CNTN4: variants seen among roughly 807,000 people sequenced by gnomAD.
CNTN4 encodes the protein contactin-4.
A neutral mutation model predicts 122.5 loss-of-function variants in CNTN4; 77 were observed. The ratio of observed to expected loss-of-function variants is 0.63; its 90% confidence interval spans 0.52 to 0.76. The LOEUF (loss-of-function observed/expected upper bound fraction) is 0.76. Ranked by LOEUF, CNTN4 falls within the 30% of genes least tolerant of loss-of-function variation. The pLI, the probability that CNTN4 is intolerant of heterozygous loss-of-function variation, is 0.00. For missense variants in CNTN4, 1,256 were observed against 1,259.1 expected (o/e 1.00, Z 0.04); for synonymous variants, 512 against 447.0 (o/e 1.15, Z -1.83).
intron 4 of CNTN4, among the ~76,000 whole-genome samples, chr3:2,645,982 A>G (rs149933963): frequency 6.6e-6 from 1 of 152,338 alleles, no homozygotes; most frequent in African/African-American, 2.4e-5. Context: ...GGGAATATAT[A>G]TACTGTAGAC....
intron 2 of CNTN4, among the ~76,000 whole-genome samples, chr3:2,328,420 TA>T (rs924340605): frequency 6.6e-6 from 1 of 152,118 alleles, no homozygotes; most frequent in Non-Finnish European, 1.5e-5. Flanking sequence ...AATAAAAAAA[TA>T]AAAAACACAG....
chr3:2,828,865 G>T lies in CNTN4; in HGVS notation c.454+9284G>T, dbSNP rs2150354546. 3.3e-5 allele frequency among the ~76,000 whole-genome samples: 5 copies of T among 152,228 alleles called. No individual in the cohort carries two copies. In the South Asian group the frequency reaches 1.0e-3, roughly 32 times the overall value. ...CAATCCTCCCACCTCAGCCTCTTGAGTAGCTAGTACTGCAGGCATGAGCCA... is the reference window on the plus strand; with the variant it reads ...CAATCCTCCCACCTCAGCCTCTTGATTAGCTAGTACTGCAGGCATGAGCCA... On this transcript the variant is annotated intron_variant, in intron 7 of 24. Coordinates refer to ENST00000418658, the MANE Select transcript of CNTN4 (RefSeq NM_175607.3).
intron 3 of CNTN4, among the ~76,000 whole-genome samples, chr3:2,493,816 G>T (rs1295289521): frequency 1.3e-5 from 2 of 152,092 alleles, no homozygotes; most frequent in Non-Finnish European, 2.9e-5. Context: ...AAATGATTCG[G>T]CTGGGAATTG....
Position 2,328,176 on chromosome 3 carries a change from C to A in CNTN4, c.-144-11002C>A, listed in dbSNP as rs192198464. On this transcript the variant is annotated intron_variant, in intron 2 of 24. Transcript: ENST00000418658. ...ATCCCAGCACTTTGGGAGGCCGAGG[C>A]GGGCGGATCACGGGGTCAGGAGATC... 4.6e-3 allele frequency among the ~76,000 whole-genome samples: 702 copies of A among 152,216 alleles called. 6 individuals are homozygous for A. The highest frequency in any genetic ancestry group is 5.0e-3 in the Non-Finnish European group (343 of 68,012).
chr3:2,150,214 A>G (rs1292058700), intron 2 of CNTN4, among the ~76,000 whole-genome samples: 5 of 152,058 alleles, frequency 3.3e-5, no homozygotes, highest in Non-Finnish European at 5.9e-5. Flanking sequence ...CTGTTTCATC[A>G]TTTCTAATAT....
intron 13 of CNTN4, among the ~76,000 whole-genome samples, chr3:2,928,818 G>A (rs986665906): frequency 3.9e-5 from 6 of 152,104 alleles, no homozygotes; most frequent in Non-Finnish European, 7.4e-5. Flanking sequence ...TACAGTAGTG[G>A]TATTAGAAGC....
At chr3:2,883,313 C>T in intron 9 of CNTN4, 66 bp downstream of exon 9, 1 of 1,152,378 alleles carries the variant, frequency 8.7e-7, no homozygotes, top group Non-Finnish European at 1.3e-6. Flanking sequence ...GTTTTTCTTG[C>T]ACTGTTCACA....
At chr3:2,883,435 A>G (rs1037160719) in intron 9 of CNTN4, among the ~76,000 whole-genome samples, 188 bp downstream of exon 9, 1 of 152,188 alleles carries the variant, frequency 6.6e-6, no homozygotes, top group Non-Finnish European at 1.5e-5. Context: ...TAATGGTGCA[A>G]GAAGGATTAG....
chr3:2,203,249 T>A (rs1360026593), intron 2 of CNTN4, among the ~76,000 whole-genome samples: 9 of 152,160 alleles, frequency 5.9e-5, no homozygotes, highest in Non-Finnish European at 1.3e-4. Flanking sequence ...TAGGACTAAA[T>A]GATCACATAG....
chr3:2,539,665 T>C (rs1379659291), intron 3 of CNTN4, among the ~76,000 whole-genome samples: 2 of 152,142 alleles, frequency 1.3e-5, no homozygotes, highest in African/African-American at 2.4e-5. Context: ...GTTTATGAAT[T>C]TGATTTCTTT....
intron 3 of CNTN4, among the ~76,000 whole-genome samples, chr3:2,404,398 G>T (rs2046959559): frequency 6.6e-6 from 1 of 152,086 alleles, no homozygotes; most frequent in Admixed American, 6.6e-5. Context: ...ATATTTTGCT[G>T]GTTTTTGGCT....
chr3:2,125,007 A>C (rs2034051415), intron 2 of CNTN4, among the ~76,000 whole-genome samples: 1 of 152,104 alleles, frequency 6.6e-6, no homozygotes, highest in African/African-American at 2.4e-5. Context: ...AAGTGCATAA[A>C]ACAGTGTTGT....
At chr3:2,430,562 A>AT (rs888840394) in intron 3 of CNTN4, among the ~76,000 whole-genome samples, 1 of 134,264 alleles carries the variant, frequency 7.4e-6, no homozygotes. Flanking sequence ...AGAAGGTGCC[A>AT]TTTTTTAATA....
intron 3 of CNTN4, among the ~76,000 whole-genome samples, chr3:2,537,143 A>G (rs536566001): frequency 2.6e-5 from 4 of 152,098 alleles, no homozygotes; most frequent in Non-Finnish European, 5.9e-5. Flanking sequence ...CATGCGTTCT[A>G]TAAGGGAAAT....
At chr3:2,351,688 T>C (rs1037427590) in intron 3 of CNTN4, among the ~76,000 whole-genome samples, 114 of 152,288 alleles carry the variant, frequency 7.5e-4, no homozygotes, top group African/African-American at 2.7e-3. Flanking sequence ...TTAATATTTT[T>C]GGAATGTGGT....
rs750130035 is a variant in CNTN4, at chr3:2,988,418, A to G, written c.1432A>G (p.Ile478Val). 1.4e-5 allele frequency: 23 copies of G among 1,613,686 alleles called. No individual in the cohort carries two copies. Among genetic ancestry groups the G allele is most frequent in the South Asian group, 1.1e-4 (10 of 91,084 alleles). ...TKSDAGSYTC[I>V]ATNHFGTASS... is the part of the protein sequence containing the mutation. ...ATCAGACGCTGGGAGTTATACCTGT[A>G]TAGCCACTAACCATTTTGGAACTGC... is the stretch of plus-strand genomic sequence containing the variant. The change falls in exon 14 of 25, where the codon ATA (isoleucine) becomes GTA (valine). Residue 478 changes from isoleucine to valine, a missense_variant. By Grantham distance (29) the Ile-to-Val change is conservative. Coordinates refer to ENST00000418658, the MANE Select transcript of CNTN4 (RefSeq NM_175607.3).
chr3:2,251,308 A>C (rs2040369662), intron 2 of CNTN4, among the ~76,000 whole-genome samples: 2 of 152,012 alleles, frequency 1.3e-5, no homozygotes, highest in South Asian at 4.1e-4. Flanking sequence ...GGTATTGTTT[A>C]CCAATAACAG....
intron 4 of CNTN4, among the ~76,000 whole-genome samples, chr3:2,675,292 C>A (rs531756994): frequency 7.9e-5 from 12 of 152,210 alleles, no homozygotes; most frequent in African/African-American, 2.6e-4. Context: ...CATGCCAAGC[C>A]TTTTCAGGCT....
chr3:2,627,555 G>A (rs148188713), intron 4 of CNTN4, among the ~76,000 whole-genome samples: 1,882 of 147,154 alleles, frequency 0.013, 43 homozygotes, highest in East Asian at 0.067. Flanking sequence ...GTGTAGTAGC[G>A]CAATCTCGGC....
Sources: allele counts gnomAD v4.1 joint callset (sites outside exome capture counted in the v4.1 genomes callset), GRCh38; gene constraint gnomAD v4.1.1; transcripts MANE v1.5; gene names NCBI Gene and HGNC (gene_info 2026-07-23, HGNC 2026-07-21).